The following ALPK2 variants were observed in gnomAD, a reference collection of about 807,000 sequenced individuals.
The protein encoded by ALPK2 is alpha kinase 2.
Under a neutral mutation model 163.1 loss-of-function variants are expected in ALPK2, and 127 were observed. The ratio of observed to expected loss-of-function variants is 0.78; its 90% CI spans 0.67 to 0.90. The LOEUF (loss-of-function observed/expected upper bound fraction) is 0.90. Among genes scored for constraint, ALPK2 ranks in the 40% least tolerant of loss-of-function variants. ALPK2 has a pLI of 0.00. For missense variants in ALPK2, 2,360 were observed against 2,589.6 expected (o/e 0.91, Z 1.92); for synonymous variants, 953 against 959.1 (o/e 0.99, Z 0.12).
rs2051950060 is a variant in ALPK2, at chr18:58,580,221, G to A, written c.555C>T (p.Ser185=). 6.2e-7 allele frequency: 1 copy of A among 1,614,054 alleles called. No individual in the cohort carries two copies. Among genetic ancestry groups the A allele is most frequent in the African/African-American group, 1.3e-5 (1 of 74,910 alleles). Residue 185 remains serine, a synonymous_variant, in exon 4 of 13, where the codon TCC becomes TCT. Coordinates refer to ENST00000361673, the MANE Select transcript of ALPK2 (RefSeq NM_052947.4). ...QSLGNLDISV[S]SSENPLGVKG... is the part of the protein sequence containing the mutation. The stretch of plus-strand genomic sequence containing the variant: ...TAACACCCAAAGGATTTTCAGAACT[G>A]GACACACTAATGTCAAGATTGCCCA...
rs573327766 is a variant in ALPK2, at chr18:58,535,890, C to T, written c.4297G>A (p.Gly1433Arg). ...ATGTTTCCGTCATTTGATTGACCCC[C>T]TTCTCTGGCGCCCTGTGGTGTGGTT... ...SETTPQGARE[G>R]GQSNDGNMGH... is the part of the protein sequence containing the mutation. Residue 1433 changes from glycine to arginine, a missense_variant, in exon 5 of 13, where the codon GGG (glycine) becomes AGG (arginine). Gly to Arg is a moderately radical substitution (Grantham distance 125). Transcript: ENST00000361673. The T allele has an allele frequency of 3.2e-5, 52 of 1,614,198 alleles. No individual in the cohort carries two copies. In the South Asian group the frequency reaches 4.9e-4, roughly 15 times the overall value.
intron 12 of ALPK2, among the ~76,000 whole-genome samples, chr18:58,482,565 A>G (rs7232030): frequency 0.33 from 49,839 of 152,038 alleles, 9,035 homozygotes; most frequent in African/African-American, 0.49. Context: ...GACAAGATTA[A>G]AATGAAGCCC....
intron 10 of ALPK2, among the ~76,000 whole-genome samples, chr18:58,514,100 C>T (rs1489398404): frequency 6.6e-6 from 1 of 152,112 alleles, no homozygotes; most frequent in Non-Finnish European, 1.5e-5. Flanking sequence ...AAGCTTAACT[C>T]AGTCCAGATG....
chr18:58,496,830 G>A (rs1380616811), intron 12 of ALPK2, among the ~76,000 whole-genome samples: 1 of 152,122 alleles, frequency 6.6e-6, no homozygotes, highest in Non-Finnish European at 1.5e-5. Flanking sequence ...CTTCCAGAGA[G>A]CCTTTCATAT....
At chr18:58,626,778 T>C (rs946887571) in intron 1 of ALPK2, among the ~76,000 whole-genome samples, 2 of 148,932 alleles carry the variant, frequency 1.3e-5, no homozygotes, top group Non-Finnish European at 3.0e-5. Flanking sequence ...ACAGAATTTT[T>C]CTCAAAGAAT....
chr18:58,559,959 G>T (rs1410917664), intron 4 of ALPK2, among the ~76,000 whole-genome samples: 2 of 152,174 alleles, frequency 1.3e-5, no homozygotes, highest in Non-Finnish European at 2.9e-5. Flanking sequence ...TTACTTTACA[G>T]TTCGGGAGGT....
chr18:58,578,948 G>A lies in ALPK2; in HGVS notation c.1828C>T (p.Gln610Ter), dbSNP rs1268952209. Residue 610 changes from glutamine (Q) to a stop codon, truncating the protein, a stop_gained, in exon 4 of 13, where the codon CAA (glutamine) becomes TAA (stop). Coordinates refer to ENST00000361673, the MANE Select transcript of ALPK2 (RefSeq NM_052947.4). LOFTEE classifies it high-confidence loss of function. ...RECAISTQAE[Q>*]EAKTLQTSTD... ...GAAGTTTGAAGGGTTTTTGCTTCTTGCTCTGCCTGGGTTGAAATAGCACAT... is the reference window on the plus strand; with the variant it reads ...GAAGTTTGAAGGGTTTTTGCTTCTTACTCTGCCTGGGTTGAAATAGCACAT... The A allele has an allele frequency of 6.2e-7, 1 of 1,614,150 alleles. No individual in the cohort carries two copies.
chr18:58,536,945 C>T lies in ALPK2; in HGVS notation c.3242G>A (p.Gly1081Glu), dbSNP rs1189415621. The T allele has an allele frequency of 3.7e-6, 6 of 1,614,060 alleles. No individual in the cohort carries two copies. The highest frequency in any genetic ancestry group is 5.1e-6 in the Non-Finnish European group (6 of 1,180,030). ...ELLCRAPSVP[G>E]VPHHVLQLPE... The stretch of plus-strand genomic sequence containing the variant: ...GAGCTGCAGGACATGGTGTGGGACT[C>T]CTGGCACACTGGGTGCCCTGCAAAG... Residue 1081 changes from glycine (G) to glutamate (E), a missense_variant, in exon 5 of 13, where the codon GGA (glycine) becomes GAA (glutamate). Gly to Glu is a moderately conservative substitution (Grantham distance 98). Coordinates refer to ENST00000361673, the MANE Select transcript of ALPK2 (RefSeq NM_052947.4).
At chr18:58,487,177 T>A (rs200363958) in intron 12 of ALPK2, among the ~76,000 whole-genome samples, 1 of 152,014 alleles carries the variant, frequency 6.6e-6, no homozygotes, top group Non-Finnish European at 1.5e-5. Context: ...ACAGATGGAA[T>A]TTCTTAAATA....
At chr18:58,590,377 C>T (rs1292109316) in intron 3 of ALPK2, among the ~76,000 whole-genome samples, 1 of 152,106 alleles carries the variant, frequency 6.6e-6, no homozygotes, top group East Asian at 1.9e-4. Flanking sequence ...TGTCTTCACC[C>T]CTTCAGCCAG....
At chr18:58,506,382 A>G (rs1408222363) in intron 10 of ALPK2, among the ~76,000 whole-genome samples, 1 of 152,062 alleles carries the variant, frequency 6.6e-6, no homozygotes, top group Non-Finnish European at 1.5e-5. Context: ...AAAAGGAAAA[A>G]TAAAAATAAA....
chr18:58,555,354 G>A (rs1003917549), intron 4 of ALPK2, among the ~76,000 whole-genome samples: 4 of 152,090 alleles, frequency 2.6e-5, no homozygotes, highest in Non-Finnish European at 5.9e-5. Context: ...ACTGAGATTC[G>A]AATCATATCT....
intron 6 of ALPK2, among the ~76,000 whole-genome samples, chr18:58,525,748 G>A (rs1036588695): frequency 6.6e-6 from 1 of 152,092 alleles, no homozygotes. Context: ...GAGGAGTAAC[G>A]TGTCATGACA....
At position 58,491,709 on chromosome 18, in the gene ALPK2, C is replaced by A. The variant is rs117202075; in HGVS notation, c.6296+6340G>T. 2.7e-4 allele frequency among the ~76,000 whole-genome samples: 41 copies of A among 152,324 alleles called. 1 individual carries two copies. Among genetic ancestry groups the A allele is most frequent in the African/African-American group, 9.1e-4 (38 of 41,590 alleles). ...AGTAATAAAACTTCAGTCTTCCATACAGCTGGCCCTATGTGAATTAAACTC... is the reference window on the plus strand; with the variant it reads ...AGTAATAAAACTTCAGTCTTCCATAAAGCTGGCCCTATGTGAATTAAACTC... On this transcript the variant is annotated intron_variant, in intron 12 of 12. Transcript: ENST00000361673.
intron 1 of ALPK2, among the ~76,000 whole-genome samples, chr18:58,621,970 T>TCTCCC (rs2052202999): frequency 2.0e-5 from 3 of 150,908 alleles, no homozygotes. Context: ...CTGACTCTCC[T>TCTCCC]CTCCCCTGCT....
chr18:58,599,991 T>C (rs2144219851), intron 3 of ALPK2, among the ~76,000 whole-genome samples: 1 of 151,496 alleles, frequency 6.6e-6, no homozygotes, highest in South Asian at 2.1e-4. Context: ...TAGCAGGTTG[T>C]GTGTTCTGAG....
chr18:58,534,411 G>A (rs2051631913), intron 5 of ALPK2, among the ~76,000 whole-genome samples: 3 of 152,188 alleles, frequency 2.0e-5, no homozygotes, highest in Admixed American at 1.3e-4. Flanking sequence ...CCTGCTTAGT[G>A]CATGGTCTAT....
intron 12 of ALPK2, among the ~76,000 whole-genome samples, chr18:58,497,552 C>T (rs886080330): frequency 9.8e-5 from 15 of 152,348 alleles, no homozygotes; most frequent in Admixed American, 9.8e-4. Context: ...TAACTAATCA[C>T]AGCTCTGCCA....
Position 58,523,923 on chromosome 18 carries a change from A to G in ALPK2, c.5629+12T>C. ...AGGGGCCAGTGGTTTTTCATTGAAA[A>G]CTGTGGTTTACCTTCAGCTGTGAGG... On this transcript the variant is annotated intron_variant, in intron 7 of 12. Coordinates refer to ENST00000361673, the MANE Select transcript of ALPK2 (RefSeq NM_052947.4). 1.2e-6 allele frequency: 2 copies of G among 1,613,730 alleles called. No homozygotes were observed. Among genetic ancestry groups the G allele is most frequent in the Non-Finnish European group, 1.7e-6 (2 of 1,179,962 alleles).
Sources: gnomAD v4.1 joint callset for allele counts (sites outside exome capture counted in the v4.1 genomes callset) on GRCh38, gnomAD v4.1.1 for gene constraint, MANE v1.5 for transcripts, NCBI Gene and HGNC (gene_info 2026-07-23, HGNC 2026-07-21) for gene names.